The following ENTREP2 variants were observed in gnomAD, a reference collection of about 807,000 sequenced individuals.
The protein encoded by ENTREP2 is protein ENTREP2.
chr15:29,133,379 G>A, the ENTREP2 span, among the ~76,000 whole-genome samples: 13 of 152,202 alleles, frequency 8.5e-5, no homozygotes, highest in Admixed American at 2.0e-4. Context: ...CCCTGGGGGT[G>A]GGCCCAGTCA....
chr15:29,272,536 G>A, the ENTREP2 span, among the ~76,000 whole-genome samples: 2 of 152,156 alleles, frequency 1.3e-5, no homozygotes, highest in Non-Finnish European at 2.9e-5. Context: ...TTTGGAAAGA[G>A]CTTTATTTCT....
At chr15:29,604,856 A>G in the ENTREP2 span, among the ~76,000 whole-genome samples, 2 of 152,152 alleles carry the variant, frequency 1.3e-5, no homozygotes, top group African/African-American at 2.4e-5. Context: ...CTTGGCCCCC[A>G]AAGGGTGGAA....
the ENTREP2 span, among the ~76,000 whole-genome samples, chr15:29,444,097 C>T: frequency 6.6e-6 from 1 of 150,486 alleles, no homozygotes; most frequent in African/African-American, 2.4e-5. Context: ...AGCAAGACTC[C>T]GTCTCAAAAA....
At chr15:29,277,473 T>C in the ENTREP2 span, among the ~76,000 whole-genome samples, 1 of 152,172 alleles carries the variant, frequency 6.6e-6, no homozygotes, top group South Asian at 2.1e-4. Context: ...GGGACCAGTT[T>C]TGGGGAAGAC....
At chr15:29,644,509 G>T in the ENTREP2 span, among the ~76,000 whole-genome samples, 1 of 152,182 alleles carries the variant, frequency 6.6e-6, no homozygotes, top group Non-Finnish European at 1.5e-5. Context: ...CATCATCACA[G>T]AAGTGAGTCC....
At chr15:29,333,888 C>T in the ENTREP2 span, among the ~76,000 whole-genome samples, 2 of 151,936 alleles carry the variant, frequency 1.3e-5, no homozygotes, top group Non-Finnish European at 2.9e-5. Context: ...AACACCGAGA[C>T]ATGAACACGA....
At chr15:29,510,577 G>T in the ENTREP2 span, among the ~76,000 whole-genome samples, 1 of 151,902 alleles carries the variant, frequency 6.6e-6, no homozygotes, top group East Asian at 1.9e-4. Context: ...AGGCCGAGGC[G>T]GGCGGATCAC....
At chr15:29,450,264 A>G in the ENTREP2 span, among the ~76,000 whole-genome samples, 8 of 151,956 alleles carry the variant, frequency 5.3e-5, no homozygotes, top group African/African-American at 1.9e-4. Flanking sequence ...CCATTTGTCA[A>G]TTTTTGCTTT....
At chr15:29,118,218 T>G in the ENTREP2 span, 1 of 152,588 alleles carries the variant, frequency 6.6e-6, no homozygotes, top group Non-Finnish European at 1.5e-5. Flanking sequence ...AACTAAAGCT[T>G]TAGGATGACT....
chr15:29,577,629 C>T, the ENTREP2 span, among the ~76,000 whole-genome samples: 1 of 152,166 alleles, frequency 6.6e-6, no homozygotes, highest in Non-Finnish European at 1.5e-5. Flanking sequence ...GCTGGGATTA[C>T]AGGCATAATA....
chr15:29,361,468 G>A, the ENTREP2 span, among the ~76,000 whole-genome samples: 1 of 152,194 alleles, frequency 6.6e-6, no homozygotes, highest in East Asian at 1.9e-4. Context: ...TTTCTAACTT[G>A]CAGCAATTTC....
chr15:29,350,266 C>T, the ENTREP2 span, among the ~76,000 whole-genome samples: 1 of 152,216 alleles, frequency 6.6e-6, no homozygotes, highest in East Asian at 1.9e-4. Flanking sequence ...ATTAAGCCAT[C>T]TCATCTAAAT....
chr15:29,289,897 T>A, the ENTREP2 span, among the ~76,000 whole-genome samples: 1 of 152,128 alleles, frequency 6.6e-6, no homozygotes, highest in African/African-American at 2.4e-5. Flanking sequence ...GCATTATTTG[T>A]AATAGTCACC....
the ENTREP2 span, among the ~76,000 whole-genome samples, chr15:29,485,478 C>G: frequency 6.6e-6 from 1 of 152,154 alleles, no homozygotes; most frequent in African/African-American, 2.4e-5. Context: ...AGAATGCACT[C>G]AGGGCAGAAA....
At chr15:29,548,595 A>G in the ENTREP2 span, among the ~76,000 whole-genome samples, 1 of 152,198 alleles carries the variant, frequency 6.6e-6, no homozygotes, top group African/African-American at 2.4e-5. Context: ...ATACCTAAGA[A>G]AAACAATCCA....
At chr15:29,525,782 T>C in the ENTREP2 span, among the ~76,000 whole-genome samples, 1 of 152,210 alleles carries the variant, frequency 6.6e-6, no homozygotes, top group African/African-American at 2.4e-5. Context: ...GTAATGAAAC[T>C]GGTCTCTAAC....
chr15:29,603,180 T>C, the ENTREP2 span, among the ~76,000 whole-genome samples: 1 of 152,138 alleles, frequency 6.6e-6, no homozygotes, highest in Non-Finnish European at 1.5e-5. Context: ...AGAGATGTGA[T>C]GTGACCTGGC....
the ENTREP2 span, among the ~76,000 whole-genome samples, chr15:29,318,399 C>A: frequency 6.6e-6 from 1 of 152,050 alleles, no homozygotes; most frequent in South Asian, 2.1e-4. Flanking sequence ...CAGCTCACTG[C>A]AAGCTCCGCC....
the ENTREP2 span, among the ~76,000 whole-genome samples, chr15:29,242,711 T>C: frequency 1.3e-5 from 2 of 152,194 alleles, no homozygotes; most frequent in African/African-American, 2.4e-5. Context: ...TTCTCCCTTG[T>C]GCTGCTTTGC....
Sources: allele counts gnomAD v4.1 joint callset (sites outside exome capture counted in the v4.1 genomes callset), GRCh38; gene constraint gnomAD v4.1.1; transcripts MANE v1.5; gene names NCBI Gene and HGNC (gene_info 2026-07-23, HGNC 2026-07-21).